The following MOV10L1 variants were observed in gnomAD, a reference collection of about 807,000 sequenced individuals.
The protein encoded by MOV10L1 is Mov10 like RNA helicase 1.
In MOV10L1, 110 loss-of-function variants were observed where a neutral mutation model predicts 143.8. That is an observed-to-expected ratio of 0.76 (90% CI 0.66 to 0.90). The LOEUF is 0.90. Ranked by LOEUF, MOV10L1 falls within the 40% of genes least tolerant of loss-of-function variation. The pLI is 0.00. For synonymous variants in MOV10L1, 593 were observed against 581.1 expected (o/e 1.02, Z -0.29); for missense variants, 1,406 against 1,526.8 (o/e 0.92, Z 1.32).
At chr22:50,140,376 A>G (rs922298019) in intron 15 of MOV10L1, among the ~76,000 whole-genome samples, 1 of 152,162 alleles carries the variant, frequency 6.6e-6, no homozygotes, top group Non-Finnish European at 1.5e-5. Context: ...CACACTTTAA[A>G]TATGTGCACC....
At chr22:50,130,180 CAGG>C (rs1396194649) in intron 13 of MOV10L1, among the ~76,000 whole-genome samples, 1 of 152,064 alleles carries the variant, frequency 6.6e-6, no homozygotes, top group Non-Finnish European at 1.5e-5. Flanking sequence ...GAGGCTGAGG[CAGG>C]AGAATTGCTT....
intron 10 of MOV10L1, 79 bp downstream of exon 10, chr22:50,120,695 C>A: frequency 9.5e-7 from 1 of 1,054,278 alleles, no homozygotes; most frequent in Non-Finnish European, 1.4e-6. Flanking sequence ...GAGGTTCCTT[C>A]TCAGGTTCAG....
chr22:50,117,712 C>T (rs875844), intron 9 of MOV10L1, among the ~76,000 whole-genome samples: 33,981 of 152,064 alleles, frequency 0.22, 4,167 homozygotes, highest in Admixed American at 0.35. Flanking sequence ...GTGTAGTGCA[C>T]GGCATCCCCG....
At chr22:50,108,608 G>A (rs1253893670) in intron 4 of MOV10L1, 49 bp from the exon 5 acceptor site, 1 of 1,601,444 alleles carries the variant, frequency 6.2e-7, no homozygotes, top group South Asian at 1.1e-5. Flanking sequence ...GCTGCGCCCT[G>A]TCGTCATGCA....
chr22:50,128,374 A>C (rs769429560), intron 12 of MOV10L1, 42 bp from the exon 13 acceptor site: 11 of 1,124,166 alleles, frequency 9.8e-6, no homozygotes, highest in Admixed American at 2.1e-5. Context: ...AAGATATCAC[A>C]TTATTTCAAG....
intron 9 of MOV10L1, among the ~76,000 whole-genome samples, chr22:50,118,850 G>C (rs1405647094): frequency 6.6e-6 from 1 of 152,156 alleles, no homozygotes; most frequent in Admixed American, 6.5e-5. Flanking sequence ...TCATAAGCAG[G>C]GGGAGACTCA....
intron 8 of MOV10L1, among the ~76,000 whole-genome samples, chr22:50,115,991 G>A (rs2062162842): frequency 6.6e-6 from 1 of 152,160 alleles, no homozygotes; most frequent in Admixed American, 6.6e-5. Flanking sequence ...TACATCAGCT[G>A]ACCAAACAGG....
chr22:50,101,371 A>G (rs2061739638), intron 3 of MOV10L1, among the ~76,000 whole-genome samples: 1 of 152,116 alleles, frequency 6.6e-6, no homozygotes, highest in Non-Finnish European at 1.5e-5. Context: ...GCCCGCCACC[A>G]CACCTGGCTA....
At chr22:50,106,325 C>A (rs374152706) in intron 3 of MOV10L1, among the ~76,000 whole-genome samples, 1 of 94,558 alleles carries the variant, frequency 1.1e-5, no homozygotes, top group Non-Finnish European at 2.0e-5. Context: ...CCAACTAATT[C>A]TTTTTTTTTT....
intron 3 of MOV10L1, among the ~76,000 whole-genome samples, chr22:50,100,447 A>G (rs1278458132): frequency 1.3e-5 from 2 of 152,204 alleles, no homozygotes; most frequent in Non-Finnish European, 2.9e-5. Flanking sequence ...AGTACTTTAG[A>G]TGTTTTAAAA....
chr22:50,150,692 G>C, intron 20 of MOV10L1, 43 bp from the exon 21 acceptor site: 1 of 1,599,288 alleles, frequency 6.3e-7, no homozygotes, highest in Non-Finnish European at 8.5e-7. Context: ...GAGTGGCAGC[G>C]GCACCCTCCC....
chr22:50,161,367 G>T lies in MOV10L1; in HGVS notation c.3555-1G>T. The T allele has an allele frequency of 1.3e-6, 2 of 1,591,500 alleles. No individual in the cohort carries two copies. The highest frequency in any genetic ancestry group is 1.8e-5 in the Admixed American group (1 of 57,012). On this transcript the variant is annotated splice_acceptor_variant, in intron 26 of 26. Coordinates refer to ENST00000262794, the MANE Select transcript of MOV10L1 (RefSeq NM_018995.3). LOFTEE classifies it high-confidence loss of function. The stretch of plus-strand genomic sequence containing the variant: ...GCCATCCGCTTCTCCTCTGTCTACA[G>T]CTGTGGCGAGGGGGTGGCAGACCCC...
intron 3 of MOV10L1, among the ~76,000 whole-genome samples, chr22:50,107,555 C>T (rs138028797): frequency 6.6e-6 from 1 of 152,208 alleles, no homozygotes; most frequent in African/African-American, 2.4e-5. Flanking sequence ...CTACCTGTAC[C>T]ATGGCAGACC....
chr22:50,112,674 G>A (rs1185716414), intron 5 of MOV10L1, among the ~76,000 whole-genome samples: 2 of 152,230 alleles, frequency 1.3e-5, no homozygotes, highest in South Asian at 2.1e-4. Context: ...TCGTGGCCCC[G>A]GGTGGGGCAG....
chr22:50,121,659 A>G (rs2062349751), intron 10 of MOV10L1, among the ~76,000 whole-genome samples: 1 of 152,182 alleles, frequency 6.6e-6, no homozygotes, highest in Non-Finnish European at 1.5e-5. Flanking sequence ...TTTGTAGGCA[A>G]ATGCCTGAAT....
chr22:50,121,787 C>G (rs546522979), intron 10 of MOV10L1, among the ~76,000 whole-genome samples: 1 of 152,282 alleles, frequency 6.6e-6, no homozygotes, highest in African/African-American at 2.4e-5. Context: ...TCAGTTCCTT[C>G]CACAGGCCAC....
chr22:50,108,301 G>T (rs1450032127), intron 4 of MOV10L1, 53 bp downstream of exon 4: 3 of 1,503,404 alleles, frequency 2.0e-6, no homozygotes, highest in Non-Finnish European at 2.7e-6. Flanking sequence ...CCTGCCATCA[G>T]GGGTAACTTG....
At chr22:50,134,088 GT>G in intron 14 of MOV10L1, 23 bp downstream of exon 14, 1 of 1,577,594 alleles carries the variant, frequency 6.3e-7, no homozygotes, top group African/African-American at 1.4e-5. Context: ...TAGAATGATA[GT>G]GTTACATCTT....
At chr22:50,116,780 C>T (rs560391424) in intron 8 of MOV10L1, among the ~76,000 whole-genome samples, 1 of 151,030 alleles carries the variant, frequency 6.6e-6, no homozygotes, top group Admixed American at 6.6e-5. Flanking sequence ...CTCAGCCTCC[C>T]GAGTAGCTGG....
Sources: gnomAD v4.1 joint callset for allele counts (sites outside exome capture counted in the v4.1 genomes callset) on GRCh38, gnomAD v4.1.1 for gene constraint, MANE v1.5 for transcripts, NCBI Gene and HGNC (gene_info 2026-07-23, HGNC 2026-07-21) for gene names.